AMOT: variants seen among roughly 807,000 people sequenced by gnomAD.
AMOT encodes the protein angiomotin.
A neutral mutation model predicts 67.0 loss-of-function variants in AMOT; 11 were observed. The ratio of observed to expected loss-of-function variants is 0.16; its 90% CI spans 0.10 to 0.27. AMOT has a LOEUF of 0.27. Ranked by LOEUF, AMOT falls within the 10% of genes least tolerant of loss-of-function variation. AMOT has a pLI of 1.00. For missense variants in AMOT, 753 were observed against 852.0 expected (o/e 0.88, Z 1.45); for synonymous variants, 326 against 321.4 (o/e 1.01, Z -0.15).
Position 112,804,860 on chromosome X carries a change from G to T in AMOT, c.1776+87C>A, listed in dbSNP as rs150351604. On this transcript the variant is annotated intron_variant, in intron 8 of 13. Coordinates refer to ENST00000371959, the MANE Select transcript of AMOT (RefSeq NM_001113490.2). ...CCTCCCTTCTGGGGATTATGCAGCT[G>T]CCAATTCACCACAATGTGGAGCCCA... 1,638 of 1,146,388 alleles carry T rather than the reference G, an allele frequency of 1.4e-3. 18 individuals carry two copies. In the African/African-American group the frequency reaches 0.025, roughly 17 times the overall value. 94.5% of individuals were successfully genotyped at this position (1,146,388 alleles called of 1,213,427 possible). A position where few individuals can be genotyped will look rare whatever the true frequency, so the allele number is the denominator to read the frequency against.
chrX:112,823,026 A>C lies in AMOT; in HGVS notation c.101T>G (p.Leu34Arg). ...RYGNPSENRS[L>R]LAIHQQATGN... ...TGTGGCTTGCTGGTGTATGGCAAGC[A>C]GGCTGCGATTCTCACTAGGATTGCC... The change falls in exon 4 of 14, where the codon CTG becomes CGG. Residue 34 changes from leucine (L) to arginine (R), a missense_variant. By Grantham distance (102) the Leu-to-Arg change is moderately radical. Around this residue, in one of 5 missense-constraint regions of AMOT, gnomAD observed 118 missense variants for 125.9 expected, o/e 0.94. Transcript: ENST00000371959. 1 of 1,167,636 alleles carries C rather than the reference A, an allele frequency of 8.6e-7. No homozygotes were observed. The highest frequency in any genetic ancestry group is 1.1e-6 in the Non-Finnish European group (1 of 873,042).
At chrX:112,796,907 T>C (rs1933839891) in intron 8 of AMOT, among the ~76,000 whole-genome samples, 1 of 111,368 alleles carries the variant, frequency 9.0e-6, no homozygotes. Context: ...TAGCCCACAA[T>C]ACACAGGACA....
Position 112,775,548 on chromosome X carries a change from G to A in AMOT, c.*3019C>T, listed in dbSNP as rs1353268856. ...ATGGGTCTCTGGGTATCTTTCCTAT[G>A]GCAGATGATGGCAGATATTTTAGGT... is the stretch of plus-strand genomic sequence containing the variant. On this transcript the variant is annotated 3_prime_UTR_variant, in exon 14 of 14. Transcript: ENST00000371959. The A allele has an allele frequency of 8.9e-6, 1 of 111,881 alleles. No individual in the cohort carries two copies. The highest frequency in any genetic ancestry group is 1.9e-5 in the Non-Finnish European group (1 of 53,104). 9.2% of individuals were successfully genotyped at this position (111,881 alleles called of 1,213,427 possible).
rs1934125931 is a variant in AMOT, at chrX:112,804,969, T to A, written c.1754A>T (p.Lys585Met). The part of the protein sequence containing the change: ...RDQALSNAQA[K>M]VVKLEEELKK... The stretch of plus-strand genomic sequence containing the variant: ...TACCTCTTCTTCCAGCTTTACCACC[T>A]TGGCCTGGGCATTACTCAGGGCCTG... Residue 585 changes from lysine to methionine, a missense_variant, in exon 8 of 14, where the codon AAG becomes ATG. Around this residue, in one of 5 missense-constraint regions of AMOT, gnomAD observed 66 missense variants for 112.9 expected, o/e 0.58. Coordinates refer to ENST00000371959, the MANE Select transcript of AMOT (RefSeq NM_001113490.2). 9.4e-7 allele frequency: 1 copy of A among 1,059,741 alleles called. No homozygotes were observed. Among genetic ancestry groups the A allele is most frequent in the Non-Finnish European group, 1.3e-6 (1 of 799,946 alleles). The allele number at this position is 1,059,741 out of a possible 1,213,427, so 87.3% of individuals were successfully genotyped here.
At chrX:112,804,003 G>A (rs1040789952) in intron 8 of AMOT, among the ~76,000 whole-genome samples, 2 of 111,608 alleles carry the variant, frequency 1.8e-5, no homozygotes, top group Admixed American at 9.5e-5. Flanking sequence ...ACATCTAAGA[G>A]TTAGTAGTCC....
chrX:112,821,420 G>A (rs1483062277), intron 4 of AMOT, among the ~76,000 whole-genome samples: 1 of 111,456 alleles, frequency 9.0e-6, no homozygotes, highest in Non-Finnish European at 1.9e-5. Flanking sequence ...CTAACAACAG[G>A]AACAATGAAC....
chrX:112,825,676 T>C (rs962346618), intron 2 of AMOT, among the ~76,000 whole-genome samples: 2 of 110,418 alleles, frequency 1.8e-5, no homozygotes, highest in Admixed American at 9.7e-5. Flanking sequence ...AAAAGAACAC[T>C]CAGTGAGGCT....
At chrX:112,832,053 G>A (rs1044034853) in intron 2 of AMOT, among the ~76,000 whole-genome samples, 3 of 111,137 alleles carry the variant, frequency 2.7e-5, no homozygotes, top group African/African-American at 6.6e-5. Flanking sequence ...TCACTATTAC[G>A]GGTTGAGCCA....
At chrX:112,814,363 C>T (rs1016700758) in intron 5 of AMOT, among the ~76,000 whole-genome samples, 9 of 111,368 alleles carry the variant, frequency 8.1e-5, no homozygotes, top group African/African-American at 2.9e-4. Flanking sequence ...TGTCTGTTTA[C>T]AAATACTCAG....
At chrX:112,838,913 T>C (rs938334547) in intron 1 of AMOT, among the ~76,000 whole-genome samples, 2 of 112,391 alleles carry the variant, frequency 1.8e-5, no homozygotes, top group African/African-American at 6.5e-5. Context: ...TACAGAATAG[T>C]TGGAACCTTA....
chrX:112,833,674 G>A (rs767043185), intron 1 of AMOT, among the ~76,000 whole-genome samples: 6 of 111,738 alleles, frequency 5.4e-5, no homozygotes, highest in East Asian at 5.6e-4. Context: ...AATTCATACG[G>A]GAAATTCAAA....
At chrX:112,816,802 G>T (rs1285273750) in intron 4 of AMOT, among the ~76,000 whole-genome samples, 1 of 111,653 alleles carries the variant, frequency 9.0e-6, no homozygotes, top group Non-Finnish European at 1.9e-5. Context: ...CCAACCTATT[G>T]CTCATAGAAA....
rs1347699597 is a variant in AMOT at position 112,775,850 on chromosome X, T to C, written c.*2717A>G. On this transcript the variant is annotated 3_prime_UTR_variant, in exon 14 of 14. Transcript: ENST00000371959. ...TCACCCTCCTTTCCTGAGGTGCCGGTAAAATGCACAGATAGGTAGGAGTCC... is the reference window on the plus strand; with the variant it reads ...TCACCCTCCTTTCCTGAGGTGCCGGCAAAATGCACAGATAGGTAGGAGTCC... 9.0e-5 allele frequency: 10 copies of C among 111,690 alleles called. No homozygotes were observed. The Admixed American group carries it at 9.6e-4, about 11-fold the overall frequency. 9.2% of individuals were successfully genotyped at this position (111,690 alleles called of 1,213,427 possible).
At chrX:112,782,428 T>G (rs1602750758) in intron 11 of AMOT, 112 bp downstream of exon 11, 19 of 1,015,472 alleles carry the variant, frequency 1.9e-5, no homozygotes, top group East Asian at 3.1e-5. Context: ...CTGGCAGGGG[T>G]GATGGTGGAG....
rs1317497508 is a variant in AMOT, at chrX:112,790,702, C to T, written c.2007G>A (p.Glu669=). Residue 669 remains glutamate, a synonymous_variant, in exon 10 of 14, where the codon GAG becomes GAA. Transcript: ENST00000371959. ...TATCAGCTTCCAGAGCCAGAATCCT[C>T]TCCTCTTTCTCCCGAAGGAGCTCCA... ...ALMELLREKE[E]RILALEADMT... is the part of the protein sequence containing the mutation. 13 of 1,211,106 alleles carry T rather than the reference C, an allele frequency of 1.1e-5. No individual in the cohort carries two copies. In the East Asian group the frequency reaches 3.9e-4, roughly 36 times the overall value.
In AMOT at chrX:112,822,329, A is replaced by G; in HGVS notation, c.798T>C (p.His266=). ...CTGTTCTCCCTGGCTGGTTCAGGCG[A>G]TGCTCACTATAGAAGTGCCCTGGCT... is the stretch of plus-strand genomic sequence containing the variant. ...PQEPGHFYSE[H]RLNQPGRTEG... The change falls in exon 4 of 14, where the codon CAT becomes CAC. Residue 266 remains histidine (H), a synonymous_variant. Coordinates refer to ENST00000371959, the MANE Select transcript of AMOT (RefSeq NM_001113490.2). The G allele has an allele frequency of 8.8e-7, 1 of 1,140,288 alleles. No homozygotes were observed. Among genetic ancestry groups the G allele is most frequent in the Non-Finnish European group, 1.2e-6 (1 of 858,279 alleles). The allele number at this position is 1,140,288 out of a possible 1,213,427, so 94.0% of individuals were successfully genotyped here. A position where few individuals can be genotyped will look rare whatever the true frequency, so the allele number is the denominator to read the frequency against.
At chrX:112,800,289 G>GA (rs1422525609) in intron 8 of AMOT, among the ~76,000 whole-genome samples, 1 of 111,387 alleles carries the variant, frequency 9.0e-6, no homozygotes, top group Non-Finnish European at 1.9e-5. Flanking sequence ...AGAAAGAAAA[G>GA]AAAAGAAAGA....
intron 7 of AMOT, among the ~76,000 whole-genome samples, chrX:112,805,371 AC>A (rs1329953742): frequency 0.02 from 45 of 2,291 alleles, no homozygotes; most frequent in African/African-American, 0.089. Context: ...TACAAAGAAT[AC>A]ACACACACAC....
intron 12 of AMOT, 136 bp downstream of exon 12, chrX:112,780,749 GA>G (rs749094348): frequency 1.1e-4 from 66 of 601,462 alleles, no homozygotes; most frequent in African/African-American, 7.4e-4. Flanking sequence ...GTCTCAGGAG[GA>G]AAAAAAAACT....
Sources: gnomAD v4.1 joint callset for allele counts (sites outside exome capture counted in the v4.1 genomes callset) on GRCh38, gnomAD v4.1.1 for gene constraint, gnomAD v4.1.1 regional missense constraint, MANE v1.5 for transcripts, NCBI Gene and HGNC (gene_info 2026-07-23, HGNC 2026-07-21) for gene names.